SLC26A4: variants seen among roughly 807,000 people sequenced by gnomAD.
The protein encoded by SLC26A4 is solute carrier family 26 member 4.
SLC26A4 carries 93 observed loss-of-function variants against 90.4 expected under a neutral mutation model. That is an observed-to-expected ratio of 1.03 (90% CI 0.87 to 1.22). The LOEUF (loss-of-function observed/expected upper bound fraction) is 1.22, where lower values mean the gene tolerates loss of function less well. Ranked by LOEUF, SLC26A4 falls within the 50% of genes most tolerant of loss-of-function variation. The pLI, the probability that SLC26A4 is intolerant of heterozygous loss-of-function variation, is 0.00. For missense variants in SLC26A4, 1,127 were observed against 946.2 expected (o/e 1.19, Z -2.51); for synonymous variants, 393 against 354.6 (o/e 1.11, Z -1.22).
Position 107,661,414 on chromosome 7 carries a change from C to A in SLC26A4, c.-3-225C>A. 1.7e-6 allele frequency: 1 copy of A among 601,384 alleles called. No homozygotes were observed. Among genetic ancestry groups the A allele is most frequent in the Non-Finnish European group, 3.0e-6 (1 of 337,798 alleles). The allele number at this position is 601,384 out of a possible 1,614,324, so 37.3% of individuals were successfully genotyped here. ...GGGAACCCCGGGCAGCGGGTGCAGG[C>A]CACGAGACCCGAAGGTTCTCAGGTG... On this transcript the variant is annotated intron_variant, in intron 1 of 20. Coordinates refer to ENST00000644269, the MANE Select transcript of SLC26A4 (RefSeq NM_000441.2). The surrounding 1 kb of genome is among the most constrained non-coding windows in gnomAD (Gnocchi z 5.1).
At chr7:107,683,414 T>TA in intron 7 of SLC26A4, 41 bp from the exon 8 acceptor site, 1 of 1,610,576 alleles carries the variant, frequency 6.2e-7, no homozygotes, top group South Asian at 1.1e-5. Context: ...AAGGAATTAT[T>TA]AAAACCAATG....
chr7:107,664,271 C>T (rs1035708876), intron 3 of SLC26A4, among the ~76,000 whole-genome samples: 1 of 151,850 alleles, frequency 6.6e-6, no homozygotes, highest in Non-Finnish European at 1.5e-5. Context: ...GCTCTGTCAC[C>T]CAGGCTGGTG....
At chr7:107,692,286 C>T (rs1178626315) in intron 10 of SLC26A4, among the ~76,000 whole-genome samples, 11 of 152,180 alleles carry the variant, frequency 7.2e-5, no homozygotes, top group Non-Finnish European at 8.8e-5. Context: ...GGTTAAAAGT[C>T]TAAGTGCCTG....
In SLC26A4 at chr7:107,708,995, CA is replaced by C. The variant is rs143342858; in HGVS notation, c.2090-1057del. 2.8e-3 allele frequency among the ~76,000 whole-genome samples: 433 copies of C among 152,208 alleles called. 2 individuals carry two copies. Among genetic ancestry groups the C allele is most frequent in the African/African-American group, 9.9e-3 (411 of 41,536 alleles). Reference sequence around the variant, plus strand: ...GGTTGAATTCTTTAGCAGCAGAGCCCAAGATGGGGATTCTTGCACAAGCGAT... The same window carrying C: ...GGTTGAATTCTTTAGCAGCAGAGCCCAGATGGGGATTCTTGCACAAGCGAT... On this transcript the variant is annotated intron_variant, in intron 18 of 20. Transcript: ENST00000644269.
rs191777590 is a variant in SLC26A4 at position 107,678,633 on chromosome 7, A to G, written c.765+3524A>G. 9.1e-4 allele frequency among the ~76,000 whole-genome samples: 138 copies of G among 152,294 alleles called. 1 individual carries two copies. Among genetic ancestry groups the G allele is most frequent in the African/African-American group, 3.2e-3 (134 of 41,556 alleles). On this transcript the variant is annotated intron_variant, in intron 6 of 20. Coordinates refer to ENST00000644269, the MANE Select transcript of SLC26A4 (RefSeq NM_000441.2). ...AATATTTTTCTTGAAATCTCAGTTT[A>G]GCATACAGCATAGAATTTTGCAAGA...
intron 4 of SLC26A4, among the ~76,000 whole-genome samples, chr7:107,673,944 T>C (rs150310718): frequency 6.6e-6 from 1 of 152,214 alleles, no homozygotes; most frequent in African/African-American, 2.4e-5. Context: ...TTGCTTAGGC[T>C]GGTCTGGAAC....
intron 4 of SLC26A4, 46 bp from the exon 5 acceptor site, chr7:107,674,118 T>C (rs1399873889): frequency 6.5e-7 from 1 of 1,545,668 alleles, no homozygotes; most frequent in Non-Finnish European, 8.9e-7. Flanking sequence ...ACATTGAACA[T>C]TTGTGATTAA....
At chr7:107,695,305 AG>A (rs1041699658) in intron 12 of SLC26A4, among the ~76,000 whole-genome samples, 6 of 152,126 alleles carry the variant, frequency 3.9e-5, no homozygotes, top group African/African-American at 1.4e-4. Context: ...GGATACAAGG[AG>A]GGAGGGAAGT....
At chr7:107,694,101 G>T (rs562559396) in intron 10 of SLC26A4, among the ~76,000 whole-genome samples, 1 of 152,150 alleles carries the variant, frequency 6.6e-6, no homozygotes, top group African/African-American at 2.4e-5. Context: ...CTGAATGGAC[G>T]CCGAAACCGC....
chr7:107,690,917 C>T (rs1201845583), intron 10 of SLC26A4, among the ~76,000 whole-genome samples: 2 of 151,904 alleles, frequency 1.3e-5, no homozygotes, highest in Non-Finnish European at 2.9e-5. Context: ...ACTCAAAGGC[C>T]ACTCTTTCCA....
Position 107,690,183 on chromosome 7 carries a change from C to G in SLC26A4, c.1209C>G (p.Ala403=), listed in dbSNP as rs1791527421. The change falls in exon 10 of 21, where the codon GCC becomes GCG. Residue 403 remains alanine, a synonymous_variant. Transcript: ENST00000644269. ...IFSGFFSCFV[A]TTALSRTAVQ... The stretch of plus-strand genomic sequence containing the variant: ...CAGGATTCTTCTCTTGTTTTGTGGC[C>G]ACCACTGCTCTTTCCCGCACGGCCG... 6.2e-7 allele frequency: 1 copy of G among 1,613,410 alleles called. No individual in the cohort carries two copies. Among genetic ancestry groups the G allele is most frequent in the South Asian group, 1.1e-5 (1 of 91,078 alleles).
intron 8 of SLC26A4, 43 bp from the exon 9 acceptor site, chr7:107,689,010 G>T: frequency 6.2e-7 from 1 of 1,608,002 alleles, no homozygotes; most frequent in Non-Finnish European, 8.5e-7. Context: ...AAAAAGGATG[G>T]TGGTCAAATC....
In SLC26A4 at chr7:107,674,148, G is replaced by C. The variant is rs114992866; in HGVS notation, c.416-16G>C. ...GATTAATAACTGATTAATTGTTAGA[G>C]ACTTTTTTTCCCCAGGACCTTTTCC... On this transcript the variant is annotated splice_polypyrimidine_tract_variant and intron_variant, in intron 4 of 20. Coordinates refer to ENST00000644269, the MANE Select transcript of SLC26A4 (RefSeq NM_000441.2). The C allele has an allele frequency of 1.2e-6, 2 of 1,613,018 alleles. No individual in the cohort carries two copies. Among genetic ancestry groups the C allele is most frequent in the Non-Finnish European group, 1.7e-6 (2 of 1,179,186 alleles).
intron 10 of SLC26A4, chr7:107,692,031 C>G (rs546422281): frequency 1.6e-6 from 2 of 1,289,304 alleles, no homozygotes; most frequent in East Asian, 1.1e-4. Flanking sequence ...TGTCCATTCT[C>G]CTGATGTTAC....
In SLC26A4 at chr7:107,670,412, G is replaced by A. The variant is rs142958153; in HGVS notation, c.305-1726G>A. ...GTGACTCACCGCGCCCGGTCCCTCC[G>A]GCTTTTTTTAATGCGTACACTCCCA... On this transcript the variant is annotated intron_variant, in intron 3 of 20. Coordinates refer to ENST00000644269, the MANE Select transcript of SLC26A4 (RefSeq NM_000441.2). Among the ~76,000 whole-genome samples the A allele has an allele frequency of 9.3e-4, 141 of 151,926 alleles. 1 individual carries two copies. The highest frequency in any genetic ancestry group is 3.4e-3 in the Middle Eastern group (1 of 294).
intron 8 of SLC26A4, among the ~76,000 whole-genome samples, chr7:107,686,405 T>TTTCTTTCTTTC: frequency 1.2e-5 from 1 of 82,578 alleles, no homozygotes. Context: ...TCTCTCTCTT[T>TTTCTTTCTTTC]TTTCTTTCTT....
At chr7:107,662,979 G>A (rs968100671) in intron 2 of SLC26A4, among the ~76,000 whole-genome samples, 9 of 152,146 alleles carry the variant, frequency 5.9e-5, no homozygotes, top group African/African-American at 2.2e-4. Flanking sequence ...TCTCCATTTA[G>A]AGACTCCACA....
intron 18 of SLC26A4, among the ~76,000 whole-genome samples, chr7:107,709,679 G>A (rs985866194): frequency 1.7e-4 from 26 of 152,286 alleles, no homozygotes; most frequent in Admixed American, 9.8e-4. Context: ...GGACGTGATC[G>A]TCCACAAGGT....
At chr7:107,699,076 G>A (rs1048252788) in intron 14 of SLC26A4, among the ~76,000 whole-genome samples, 3 of 152,122 alleles carry the variant, frequency 2.0e-5, no homozygotes, top group African/African-American at 7.2e-5. Context: ...TTCAGTAGCT[G>A]CTACTTAATT....
Sources: allele counts gnomAD v4.1 joint callset (sites outside exome capture counted in the v4.1 genomes callset), GRCh38; gene constraint gnomAD v4.1.1; non-coding constraint Gnocchi (gnomAD v3.1); transcripts MANE v1.5; gene names NCBI Gene and HGNC (gene_info 2026-07-23, HGNC 2026-07-21).